The following GNG12 variants were observed in gnomAD, a reference collection of about 807,000 sequenced individuals.
GNG12 encodes the protein guanine nucleotide-binding protein G(I)/G(S)/G(O) subunit gamma-12.
For synonymous variants in GNG12, 28 were observed against 29.7 expected (o/e 0.94, Z 0.19); for missense variants, 69 against 83.8 (o/e 0.82, Z 0.69).
chr1:67,831,941 G>A (rs368129368), intron 1 of GNG12, among the ~76,000 whole-genome samples: 2 of 152,316 alleles, frequency 1.3e-5, no homozygotes, highest in South Asian at 2.1e-4. Context: ...GCTGCGAAGC[G>A]CTGGCAAGGG....
chr1:67,742,898 A>G (rs1158064058), intron 2 of GNG12, among the ~76,000 whole-genome samples: 1 of 151,756 alleles, frequency 6.6e-6, no homozygotes, highest in Non-Finnish European at 1.5e-5. Flanking sequence ...CACAAGGATA[A>G]GTTAAAAAGT....
chr1:67,756,779 C>T (rs1369680793), intron 2 of GNG12, among the ~76,000 whole-genome samples: 1 of 152,212 alleles, frequency 6.6e-6, no homozygotes, highest in Non-Finnish European at 1.5e-5. Context: ...AGCTTTTTCA[C>T]AGGTCCTATC....
chr1:67,752,274 A>G (rs1646543543), intron 2 of GNG12, among the ~76,000 whole-genome samples: 1 of 152,208 alleles, frequency 6.6e-6, no homozygotes, highest in African/African-American at 2.4e-5. Context: ...GCGTTTCAGG[A>G]TGTTGCTCTG....
At chr1:67,776,507 G>A (rs940829542) in intron 2 of GNG12, among the ~76,000 whole-genome samples, 1 of 152,160 alleles carries the variant, frequency 6.6e-6, no homozygotes, top group Non-Finnish European at 1.5e-5. Context: ...GAGTCTCAGT[G>A]TCAAGATGCT....
chr1:67,832,919 G>C (rs1475963416), intron 1 of GNG12, among the ~76,000 whole-genome samples: 1 of 152,206 alleles, frequency 6.6e-6, no homozygotes, highest in Non-Finnish European at 1.5e-5. Context: ...GGGAACACTG[G>C]GGGCCTCCCA....
intron 2 of GNG12, among the ~76,000 whole-genome samples, chr1:67,750,351 C>T (rs1235688074): frequency 6.6e-6 from 1 of 152,216 alleles, no homozygotes; most frequent in Non-Finnish European, 1.5e-5. Flanking sequence ...TGCCTCACAT[C>T]CCTCTTTCAC....
intron 1 of GNG12, among the ~76,000 whole-genome samples, chr1:67,823,690 C>A (rs373827782): frequency 6.6e-6 from 1 of 152,212 alleles, no homozygotes; most frequent in African/African-American, 2.4e-5. Flanking sequence ...ATTGGCTGTA[C>A]GGAACCGGGA....
At chr1:67,763,170 A>G (rs1264693002) in intron 2 of GNG12, among the ~76,000 whole-genome samples, 1 of 149,352 alleles carries the variant, frequency 6.7e-6, no homozygotes, top group African/African-American at 2.5e-5. Flanking sequence ...CTTCCTATGA[A>G]TAAGAATAAG....
chr1:67,774,091 T>G (rs182156516), intron 2 of GNG12, among the ~76,000 whole-genome samples: 1 of 152,294 alleles, frequency 6.6e-6, no homozygotes, highest in East Asian at 1.9e-4. Context: ...ATGAGTACTC[T>G]GAAGACATTT....
chr1:67,747,533 G>A (rs1420551979), intron 2 of GNG12, among the ~76,000 whole-genome samples: 1 of 152,188 alleles, frequency 6.6e-6, no homozygotes, highest in Non-Finnish European at 1.5e-5. Flanking sequence ...TTTCAGAAAG[G>A]TGTGCTATTA....
intron 1 of GNG12, among the ~76,000 whole-genome samples, chr1:67,799,658 A>G (rs778684501): frequency 2.0e-5 from 3 of 152,236 alleles, no homozygotes; most frequent in Non-Finnish European, 4.4e-5. Context: ...AAAGCTTTCA[A>G]TTACTAGCTT....
At chr1:67,794,766 T>C (rs926659552) in intron 1 of GNG12, among the ~76,000 whole-genome samples, 3 of 152,360 alleles carry the variant, frequency 2.0e-5, no homozygotes, top group East Asian at 1.9e-4. Context: ...TTCAAGCTTA[T>C]AGGGCAAGTA....
chr1:67,825,113 G>A (rs1342176411), intron 1 of GNG12, among the ~76,000 whole-genome samples: 1 of 152,210 alleles, frequency 6.6e-6, no homozygotes, highest in Non-Finnish European at 1.5e-5. Flanking sequence ...GATATTCCTT[G>A]AAAACTTGAG....
chr1:67,752,670 T>G (rs1179292341), intron 2 of GNG12, among the ~76,000 whole-genome samples: 1 of 152,252 alleles, frequency 6.6e-6, no homozygotes. Flanking sequence ...TCACATAAGT[T>G]GGAAACAATG....
intron 1 of GNG12, among the ~76,000 whole-genome samples, chr1:67,788,321 T>G (rs1646781550): frequency 6.6e-6 from 1 of 151,598 alleles, no homozygotes; most frequent in Non-Finnish European, 1.5e-5. Context: ...AGCTTTAACT[T>G]TTTTGATTTG....
rs547149 is a variant in GNG12, at chr1:67,765,839, G to T, written c.-27+11619C>A. On this transcript the variant is annotated intron_variant, in intron 2 of 3. Transcript: ENST00000370982. ...AGGATCTCTAATACATATCCAGTTT[G>T]TGGTTGAAAATTCCTGCTTTCTAGT... Among the ~76,000 whole-genome samples the T allele has an allele frequency of 7.6e-3, 1,158 of 152,220 alleles. 23 individuals carry two copies. Among genetic ancestry groups the T allele is most frequent in the African/African-American group, 0.027 (1,125 of 41,520 alleles).
chr1:67,791,450 A>G (rs1646801599), intron 1 of GNG12, among the ~76,000 whole-genome samples: 1 of 152,242 alleles, frequency 6.6e-6, no homozygotes, highest in African/African-American at 2.4e-5. Context: ...TTAGTAAGGC[A>G]TCACAAACAA....
intron 1 of GNG12, among the ~76,000 whole-genome samples, chr1:67,790,735 G>A (rs911957273): frequency 6.6e-6 from 1 of 151,456 alleles, no homozygotes; most frequent in African/African-American, 2.4e-5. Flanking sequence ...TCAGCCTCCT[G>A]AGTAGCTGGG....
chr1:67,776,749 G>C (rs1646707695), intron 2 of GNG12, among the ~76,000 whole-genome samples: 1 of 152,082 alleles, frequency 6.6e-6, no homozygotes, highest in Non-Finnish European at 1.5e-5. Flanking sequence ...CCAACCCACA[G>C]AATGGCAAGA....
Sources: gnomAD v4.1 joint callset for allele counts (sites outside exome capture counted in the v4.1 genomes callset) on GRCh38, gnomAD v4.1.1 for gene constraint, MANE v1.5 for transcripts, NCBI Gene and HGNC (gene_info 2026-07-23, HGNC 2026-07-21) for gene names.